ASTN2: variants seen among roughly 807,000 people sequenced by gnomAD.
ASTN2 encodes the protein astrotactin 2.
In ASTN2, 54 loss-of-function variants were observed where a neutral mutation model predicts 139.8. The ratio of observed to expected loss-of-function variants is 0.39; its 90% CI spans 0.31 to 0.48. The LOEUF (loss-of-function observed/expected upper bound fraction) is 0.48. Among genes scored for constraint, ASTN2 ranks in the 20% least tolerant of loss-of-function variants. The pLI, the probability that ASTN2 is intolerant of heterozygous loss-of-function variation, is 0.95. For synonymous variants in ASTN2, 756 were observed against 719.5 expected, an observed-to-expected ratio of 1.05 and a Z score of -0.81; for missense variants, 1,565 against 1,725.1, an observed-to-expected ratio of 0.91 and a Z score of 1.64.
chr9:116,672,652 G>C (rs560820020), intron 16 of ASTN2, among the ~76,000 whole-genome samples: 3 of 152,330 alleles, frequency 2.0e-5, no homozygotes, highest in East Asian at 3.9e-4. Context: ...CTGTGTGGTA[G>C]ATGACTACTA....
At chr9:116,818,943 T>G (rs938450126) in intron 12 of ASTN2, among the ~76,000 whole-genome samples, 1 of 152,148 alleles carries the variant, frequency 6.6e-6, no homozygotes, top group Non-Finnish European at 1.5e-5. Context: ...GGGTAACAAA[T>G]ATGAAATACT....
At chr9:116,640,480 A>G (rs1857273990) in intron 17 of ASTN2, among the ~76,000 whole-genome samples, 1 of 152,190 alleles carries the variant, frequency 6.6e-6, no homozygotes, top group South Asian at 2.1e-4. Flanking sequence ...CAATCTGATA[A>G]ATCAGTAACA....
At chr9:117,109,435 T>G (rs1829195182) in intron 4 of ASTN2, among the ~76,000 whole-genome samples, 1 of 152,136 alleles carries the variant, frequency 6.6e-6, no homozygotes, top group African/African-American at 2.4e-5. Flanking sequence ...TCTCCAAGAT[T>G]ACACCCAACT....
chr9:117,171,726 T>C (rs370267050), intron 3 of ASTN2, among the ~76,000 whole-genome samples: 1 of 152,120 alleles, frequency 6.6e-6, no homozygotes. Flanking sequence ...GCTTGCTCCT[T>C]CTTCACCTTC....
At chr9:117,195,925 A>G (rs1377404539) in intron 3 of ASTN2, among the ~76,000 whole-genome samples, 1 of 152,166 alleles carries the variant, frequency 6.6e-6, no homozygotes, top group Admixed American at 6.6e-5. Context: ...TTACTGTGTA[A>G]CAGCTTCCTT....
chr9:117,351,240 C>T (rs1208501407), intron 1 of ASTN2, among the ~76,000 whole-genome samples: 1 of 152,156 alleles, frequency 6.6e-6, no homozygotes, highest in Non-Finnish European at 1.5e-5. Flanking sequence ...AGCTCAAAAA[C>T]CTTAATACCT....
At chr9:117,264,649 A>G (rs191960090) in intron 2 of ASTN2, among the ~76,000 whole-genome samples, 3 of 152,328 alleles carry the variant, frequency 2.0e-5, no homozygotes, top group Admixed American at 6.5e-5. Context: ...AGGAGGGAGA[A>G]AATAAAAACA....
chr9:116,778,080 C>T (rs1385064856), intron 13 of ASTN2, among the ~76,000 whole-genome samples: 1 of 152,030 alleles, frequency 6.6e-6, no homozygotes. Flanking sequence ...CTTCTGACCT[C>T]GTGATCTACC....
At chr9:116,884,711 T>C (rs766444900) in intron 10 of ASTN2, among the ~76,000 whole-genome samples, 7 of 151,778 alleles carry the variant, frequency 4.6e-5, no homozygotes, top group Non-Finnish European at 8.8e-5. Context: ...TAGCCATCTT[T>C]GGCGTTTTTG....
At chr9:116,670,400 G>A (rs1346268242) in intron 16 of ASTN2, among the ~76,000 whole-genome samples, 1 of 151,816 alleles carries the variant, frequency 6.6e-6, no homozygotes, top group Admixed American at 6.6e-5. Context: ...GCTGGGCCAG[G>A]GGATCACAGC....
intron 16 of ASTN2, among the ~76,000 whole-genome samples, chr9:116,706,795 G>A (rs1452078085): frequency 7.5e-6 from 1 of 133,658 alleles, no homozygotes; most frequent in Admixed American, 8.1e-5. Context: ...TGTCACTGCT[G>A]GCAAGCTCAT....
chr9:117,294,919 C>A (rs531045072), intron 1 of ASTN2, among the ~76,000 whole-genome samples: 7 of 152,328 alleles, frequency 4.6e-5, no homozygotes. Context: ...CCAAATGATA[C>A]CTGCTTGGAA....
intron 16 of ASTN2, among the ~76,000 whole-genome samples, chr9:116,680,532 G>A (rs552218312): frequency 3.8e-4 from 58 of 152,286 alleles, no homozygotes; most frequent in Admixed American, 5.9e-4. Flanking sequence ...TATGAGGCCA[G>A]CATCATCCTG....
intron 7 of ASTN2, 150 bp downstream of exon 7, chr9:117,007,942 T>C (rs1261363894): frequency 3.9e-6 from 3 of 771,450 alleles, no homozygotes; most frequent in Non-Finnish European, 5.5e-6. Context: ...TGGCAGCACA[T>C]ACATTAGTGT....
At chr9:116,550,294 G>A (rs1004386800) in intron 19 of ASTN2, among the ~76,000 whole-genome samples, 5 of 152,162 alleles carry the variant, frequency 3.3e-5, no homozygotes, top group Non-Finnish European at 1.5e-5. Flanking sequence ...CTATCTGTCT[G>A]CTTCAAAGCA....
Position 116,817,023 on chromosome 9 carries a change from G to A in ASTN2, c.2207+3594C>T, listed in dbSNP as rs183907696. Reference sequence around the variant, plus strand: ...GAAAGGATGAATATTGGCCAGGCACGGTAGCTCACGCCTGTAATCCCAGCA... The same window carrying A: ...GAAAGGATGAATATTGGCCAGGCACAGTAGCTCACGCCTGTAATCCCAGCA... On this transcript the variant is annotated intron_variant, in intron 12 of 22. Transcript: ENST00000313400. Among the ~76,000 whole-genome samples the A allele has an allele frequency of 7.4e-4, 113 of 152,108 alleles. 1 individual carries two copies. Among genetic ancestry groups the A allele is most frequent in the Non-Finnish European group, 5.4e-4 (37 of 67,986 alleles).
intron 16 of ASTN2, among the ~76,000 whole-genome samples, chr9:116,652,597 GA>G (rs1477149384): frequency 6.6e-6 from 1 of 152,062 alleles, no homozygotes; most frequent in Non-Finnish European, 1.5e-5. Flanking sequence ...AGTTCTGCTT[GA>G]AAATACCTCT....
intron 10 of ASTN2, among the ~76,000 whole-genome samples, chr9:116,867,411 G>A (rs1416753472): frequency 2.0e-5 from 3 of 151,770 alleles, no homozygotes; most frequent in Admixed American, 1.3e-4. Flanking sequence ...TTAGCTGGGC[G>A]TGGTGGCGGG....
chr9:117,252,889 G>A (rs1252165901), intron 2 of ASTN2, among the ~76,000 whole-genome samples: 1 of 152,152 alleles, frequency 6.6e-6, no homozygotes, highest in Non-Finnish European at 1.5e-5. Context: ...TCACAAGAAT[G>A]TGCACTTCAG....
Sources: gnomAD v4.1 joint callset for allele counts (sites outside exome capture counted in the v4.1 genomes callset) on GRCh38, gnomAD v4.1.1 for gene constraint, MANE v1.5 for transcripts, NCBI Gene and HGNC (gene_info 2026-07-23, HGNC 2026-07-21) for gene names.